Variants in ACCS observed in about 807,000 individuals in gnomAD.
ACCS encodes the protein 1-aminocyclopropane-1-carboxylate synthase homolog (inactive).
In ACCS, 42 loss-of-function variants were observed where a neutral mutation model predicts 59.8. That is an observed-to-expected ratio of 0.70 (90% CI 0.55 to 0.91). ACCS has a LOEUF of 0.91. Among genes scored for constraint, ACCS ranks in the 40% least tolerant of loss-of-function variants. ACCS has a pLI of 0.00. For missense variants in ACCS, 602 were observed against 630.4 expected (o/e 0.95, Z 0.48); for synonymous variants, 230 against 240.3 (o/e 0.96, Z 0.40).
intron 2 of ACCS, 58 bp from the exon 3 acceptor site, chr11:44,071,198 G>A: frequency 6.3e-7 from 1 of 1,589,418 alleles, no homozygotes; most frequent in Non-Finnish European, 8.6e-7. Flanking sequence ...GGCTCCTGGG[G>A]CCTTTCACTG....
chr11:44,080,668 G>T lies in ACCS; in HGVS notation c.924-352G>T, dbSNP rs184358679. 1.8e-5 allele frequency: 6 copies of T among 330,958 alleles called. No homozygotes were observed. In the East Asian group the frequency reaches 2.8e-4, roughly 15 times the overall value. 20.5% of individuals were successfully genotyped at this position (330,958 alleles called of 1,614,324 possible). On this transcript the variant is annotated intron_variant, in intron 10 of 14. Coordinates refer to ENST00000263776, the MANE Select transcript of ACCS (RefSeq NM_032592.4). ...TGAATGCTAAAAGGGAGAGTCCAGG[G>T]AGCTGTGAGAGGATCTGTTTAGGGT...
chr11:44,078,836 CA>C (rs1565181026), intron 9 of ACCS, 52 bp downstream of exon 9: 2 of 1,522,218 alleles, frequency 1.3e-6, no homozygotes, highest in Non-Finnish European at 1.8e-6. Flanking sequence ...CCTGGGGTTC[CA>C]ATGCGGGTTT....
chr11:44,073,459 G>T lies in ACCS; in HGVS notation c.361G>T (p.Asp121Tyr). Residue 121 changes from aspartate to tyrosine, a missense_variant, in exon 4 of 15, where the codon GAC (aspartate) becomes TAC (tyrosine). Coordinates refer to ENST00000263776, the MANE Select transcript of ACCS (RefSeq NM_032592.4). ...DLLSWRLSQRDMQRVEPSLLQ... is the reference protein window; with the variant it reads ...DLLSWRLSQRYMQRVEPSLLQ... ...TCTCTGTCCCCAGCTGAGTCAGCGC[G>T]ACATGCAGAGGGTGGAGCCATCCCT... The T allele has an allele frequency of 1.9e-6, 3 of 1,608,000 alleles. No individual in the cohort carries two copies. The highest frequency in any genetic ancestry group is 2.5e-6 in the Non-Finnish European group (3 of 1,177,614).
Position 44,083,579 on chromosome 11 carries a change from T to A in ACCS, c.1408+2T>A. ...ACCAGGTCCACCGGCTTTGCCTGGG[T>A]GAGCAGCCTGCCTTTCCAGCCCAGT... is the stretch of plus-strand genomic sequence containing the variant. On this transcript the variant is annotated splice_donor_variant, in intron 14 of 14. Transcript: ENST00000263776. LOFTEE classifies it high-confidence loss of function. The A allele has an allele frequency of 6.2e-7, 1 of 1,614,220 alleles. No individual in the cohort carries two copies. Among genetic ancestry groups the A allele is most frequent in the Non-Finnish European group, 8.5e-7 (1 of 1,180,052 alleles).
chr11:44,068,698 G>T (rs1013611615), intron 2 of ACCS, among the ~76,000 whole-genome samples: 1 of 152,194 alleles, frequency 6.6e-6, no homozygotes, highest in East Asian at 1.9e-4. Flanking sequence ...AGTATATGAA[G>T]TTTTTAGCAC....
intron 2 of ACCS, 93 bp downstream of exon 2, chr11:44,068,008 T>G: frequency 3.6e-6 from 5 of 1,396,400 alleles, no homozygotes; most frequent in Non-Finnish European, 3.8e-6. Flanking sequence ...AGCCTGCTCT[T>G]ATGAGGTTGG....
rs1422420219 is a variant in ACCS at position 44,067,557 on chromosome 11, T to G, written c.1-71T>G. On this transcript the variant is annotated intron_variant, in intron 1 of 14. Transcript: ENST00000263776. ...ATAAGAGAAAGGGGACTCCCATGAC[T>G]CCAACTCCTTTCTGATGCTTGGTGC... The G allele has an allele frequency of 2.0e-6, 3 of 1,490,214 alleles. No homozygotes were observed. In the East Asian group the frequency reaches 6.8e-5, roughly 34 times the overall value. 92.3% of individuals were successfully genotyped at this position (1,490,214 alleles called of 1,614,324 possible).
At chr11:44,074,501 G>A in intron 4 of ACCS, 111 bp from the exon 5 acceptor site, 3 of 830,860 alleles carry the variant, frequency 3.6e-6, no homozygotes, top group Non-Finnish European at 6.2e-6. Context: ...CCCATCATGG[G>A]AAATTAGGGA....
chr11:44,070,246 C>G (rs1002403235), intron 2 of ACCS, among the ~76,000 whole-genome samples: 2 of 152,040 alleles, frequency 1.3e-5, no homozygotes, highest in African/African-American at 4.8e-5. Context: ...TCTTGGACTG[C>G]TGTATGGAGA....
At chr11:44,073,291 C>A in intron 3 of ACCS, 156 bp from the exon 4 acceptor site, 1 of 702,464 alleles carries the variant, frequency 1.4e-6, no homozygotes, top group Non-Finnish European at 2.5e-6. Context: ...ACCTCAGTTT[C>A]CTCACCTGCA....
chr11:44,077,854 C>A lies in ACCS; in HGVS notation c.664C>A (p.Leu222Ile). 6.2e-7 allele frequency: 1 copy of A among 1,613,814 alleles called. No individual in the cohort carries two copies. The highest frequency in any genetic ancestry group is 8.5e-7 in the Non-Finnish European group (1 of 1,179,862). The part of the protein sequence containing the change: ...YVYLDSEVTG[L>I]DTRPFQLTVE... ...ATGGGTCTTTTTCCAGGTCACTGGG[C>A]TAGACACACGCCCCTTCCAGCTCAC... Residue 222 changes from leucine (L) to isoleucine (I), a missense_variant, in exon 8 of 15, where the codon CTA becomes ATA. Coordinates refer to ENST00000263776, the MANE Select transcript of ACCS (RefSeq NM_032592.4).
rs995812362 is a variant in ACCS, at chr11:44,079,134, A to G, written c.833+350A>G. On this transcript the variant is annotated intron_variant, in intron 9 of 14. Coordinates refer to ENST00000263776, the MANE Select transcript of ACCS (RefSeq NM_032592.4). ...ACAACAACCCTCATACAATCCTTAC[A>G]ACAATCCTTACAACAATCCTCACAA... The G allele has an allele frequency of 1.9e-5, 7 of 373,932 alleles. No individual in the cohort carries two copies. In the Admixed American group the frequency reaches 2.8e-4, roughly 15 times the overall value. The allele number at this position is 373,932 out of a possible 1,614,324, so 23.2% of individuals were successfully genotyped here. A position where few individuals can be genotyped will look rare whatever the true frequency, so the allele number is the denominator to read the frequency against.
rs533546001 is a variant in ACCS at position 44,067,691 on chromosome 11, C to T, written c.64C>T (p.Gln22Ter). The T allele has an allele frequency of 2.5e-6, 4 of 1,614,190 alleles. No homozygotes were observed. The highest frequency in any genetic ancestry group is 3.3e-5 in the Admixed American group (2 of 60,030). ...CACCTGTCTGGGCCCCACCTGCATG[C>T]AGGACCTGGGCAGTAGCCATGGGGA... ...PTTCLGPTCM[Q>*]DLGSSHGEDL... The change falls in exon 2 of 15, where the codon CAG becomes TAG. Residue 22 changes from glutamine (Q) to a stop codon, truncating the protein, a stop_gained. Coordinates refer to ENST00000263776, the MANE Select transcript of ACCS (RefSeq NM_032592.4). LOFTEE classifies it high-confidence loss of function.
intron 8 of ACCS, 151 bp downstream of exon 8, chr11:44,078,073 G>A (rs1953463174): frequency 1.2e-5 from 13 of 1,047,616 alleles, no homozygotes; most frequent in African/African-American, 3.2e-5. Flanking sequence ...AATTATTCTG[G>A]GAGTCAGGCA....
In ACCS at chr11:44,083,514, G is replaced by C. The variant is rs751260407; in HGVS notation, c.1345G>C (p.Glu449Gln). The change falls in exon 14 of 15, where the codon GAG becomes CAG. Residue 449 changes from glutamate (E) to glutamine (Q), a missense_variant. Physicochemically the swap from Glu to Gln is conservative, Grantham distance 29. Transcript: ENST00000263776. The part of the protein sequence containing the change: ...KVLLSFGKAF[E>Q]CKEPGWFRFV... ...GCTGCTGTCCTTTGGCAAGGCCTTCGAGTGTAAAGAGCCTGGTTGGTTTCG... is the reference window on the plus strand; with the variant it reads ...GCTGCTGTCCTTTGGCAAGGCCTTCCAGTGTAAAGAGCCTGGTTGGTTTCG... 2 of 1,614,114 alleles carry C rather than the reference G, an allele frequency of 1.2e-6. No homozygotes were observed.
At position 44,077,899 on chromosome 11, in the gene ACCS, G is replaced by A. The variant is rs1293425188; in HGVS notation, c.709G>A (p.Ala237Thr). Residue 237 changes from alanine (A) to threonine (T), a missense_variant, in exon 8 of 15, where the codon GCC (alanine) becomes ACC (threonine). Physicochemically the swap from Ala to Thr is moderately conservative, Grantham distance 58. Transcript: ENST00000263776. ...GCTCACAGTGGAGAAGCTGGAGATGGCCCTGAGAGAAGCTCACTCTGAGGT... is the reference window on the plus strand; with the variant it reads ...GCTCACAGTGGAGAAGCTGGAGATGACCCTGAGAGAAGCTCACTCTGAGGT... Reference protein sequence around the residue: ...FQLTVEKLEMALREAHSEGVK... With the variant: ...FQLTVEKLEMTLREAHSEGVK... 15 of 1,613,926 alleles carry A rather than the reference G, an allele frequency of 9.3e-6. No homozygotes were observed. Among genetic ancestry groups the A allele is most frequent in the Non-Finnish European group, 1.2e-5 (14 of 1,179,976 alleles).
intron 5 of ACCS, among the ~76,000 whole-genome samples, chr11:44,075,122 C>G (rs545535563): frequency 9.2e-5 from 14 of 152,282 alleles, no homozygotes; most frequent in East Asian, 1.9e-4. Context: ...CTGAGCCTGG[C>G]CTCCATTCCC....
chr11:44,078,476 G>T, intron 8 of ACCS: 1 of 490,814 alleles, frequency 2.0e-6, no homozygotes, highest in South Asian at 4.5e-5. Context: ...ACTGGTATTT[G>T]GGTATATTTT....
rs77762099 is a variant in ACCS at position 44,079,512 on chromosome 11, C to T, written c.834-19C>T. Reference sequence around the variant, plus strand: ...CCCTACACACTAAGTCTCTCCTCCCCACCCCTGCCTCACTCCAGGCACAGG... The same window carrying T: ...CCCTACACACTAAGTCTCTCCTCCCTACCCCTGCCTCACTCCAGGCACAGG... On this transcript the variant is annotated intron_variant, in intron 9 of 14. Coordinates refer to ENST00000263776, the MANE Select transcript of ACCS (RefSeq NM_032592.4). 1.0e-4 allele frequency: 167 copies of T among 1,599,910 alleles called. No homozygotes were observed. In the East Asian group the frequency reaches 3.7e-3, roughly 35 times the overall value.
Sources: allele counts gnomAD v4.1 joint callset (sites outside exome capture counted in the v4.1 genomes callset), GRCh38; gene constraint gnomAD v4.1.1; transcripts MANE v1.5; gene names NCBI Gene and HGNC (gene_info 2026-07-23, HGNC 2026-07-21).